LIN28A: variants seen among roughly 807,000 people sequenced by gnomAD.
LIN28A encodes lin-28 RNA binding posttranscriptional regulator A.
A neutral mutation model predicts 21.1 loss-of-function variants in LIN28A; 11 were observed. The ratio of observed to expected loss-of-function variants is 0.52; its 90% CI spans 0.33 to 0.86. The LOEUF is 0.86. Ranked by LOEUF, LIN28A falls within the 40% of genes least tolerant of loss-of-function variation. The pLI is 0.03. For missense variants in LIN28A, 219 were observed against 279.8 expected, an observed-to-expected ratio of 0.78 and a Z score of 1.55; for synonymous variants, 111 against 108.7, an observed-to-expected ratio of 1.02 and a Z score of -0.13.
rs985706974 is a variant in LIN28A at position 26,427,143 on chromosome 1, G to C, written c.*685G>C. 1 of 152,722 alleles carries C rather than the reference G, an allele frequency of 6.5e-6. No individual in the cohort carries two copies. Among genetic ancestry groups the C allele is most frequent in the Non-Finnish European group, 1.5e-5 (1 of 68,132 alleles). The allele number at this position is 152,722 out of a possible 1,614,324, so 9.5% of individuals were successfully genotyped here. On this transcript the variant is annotated 3_prime_UTR_variant, in exon 4 of 4. Transcript: ENST00000326279. ...ACTGCACTAGCTGTGTGCGAATGAC[G>C]TATCTTGTGCATTTTAACTTTTTTT...
At chr1:26,421,338 G>C (rs2075027669) in intron 2 of LIN28A, among the ~76,000 whole-genome samples, 1 of 152,130 alleles carries the variant, frequency 6.6e-6, no homozygotes, top group Non-Finnish European at 1.5e-5. Flanking sequence ...CATTATTATA[G>C]ATGTACCATA....
In LIN28A at chr1:26,411,031, C is replaced by T. The variant is rs1344758861; in HGVS notation, c.31+109C>T. 21 of 1,393,894 alleles carry T rather than the reference C, an allele frequency of 1.5e-5. No individual in the cohort carries two copies. Among genetic ancestry groups the T allele is most frequent in the Non-Finnish European group, 2.0e-5 (21 of 1,032,152 alleles). 86.3% of individuals were successfully genotyped at this position (1,393,894 alleles called of 1,614,324 possible). ...CTAGGCTGCCCAAAGGACCCCAAGA[C>T]GGTGCGGCCTTCTGCTTCATAGGGC... is the stretch of plus-strand genomic sequence containing the variant. On this transcript the variant is annotated intron_variant, in intron 1 of 3. Coordinates refer to ENST00000326279, the MANE Select transcript of LIN28A (RefSeq NM_024674.6). The surrounding 1 kb of genome is among the most constrained non-coding windows in gnomAD (Gnocchi z 5.4).
chr1:26,428,505 C>G lies in LIN28A; in HGVS notation c.*2047C>G, dbSNP rs1469555508. ...TAGGAAAACCCTCCATCCCTTGTTC[C>G]CAACCTCCTAAGTCAAGACCATTAC... On this transcript the variant is annotated 3_prime_UTR_variant, in exon 4 of 4. Transcript: ENST00000326279. The G allele has an allele frequency of 6.6e-6, 1 of 151,914 alleles. No homozygotes were observed. The highest frequency in any genetic ancestry group is 1.9e-4 in the East Asian group (1 of 5,178). The allele number at this position is 151,914 out of a possible 1,614,324, so 9.4% of individuals were successfully genotyped here. A position where few individuals can be genotyped will look rare whatever the true frequency, so the allele number is the denominator to read the frequency against.
At chr1:26,420,588 A>T (rs1468415696) in intron 2 of LIN28A, among the ~76,000 whole-genome samples, 8 of 132,218 alleles carry the variant, frequency 6.1e-5, no homozygotes, top group Non-Finnish European at 1.6e-5. Context: ...TGGGCGACAG[A>T]GCAAGACTTT....
At chr1:26,415,294 G>C (rs2124287192) in intron 2 of LIN28A, among the ~76,000 whole-genome samples, 1 of 152,230 alleles carries the variant, frequency 6.6e-6, no homozygotes, top group African/African-American at 2.4e-5. Flanking sequence ...TGAGGAGGTG[G>C]TAAGAGCAAC....
intron 2 of LIN28A, among the ~76,000 whole-genome samples, chr1:26,418,019 T>G (rs1259141034): frequency 6.6e-6 from 1 of 151,864 alleles, no homozygotes; most frequent in African/African-American, 2.4e-5. Flanking sequence ...TTTTTTTCTC[T>G]TCATACTTTT....
intron 2 of LIN28A, among the ~76,000 whole-genome samples, chr1:26,415,685 GCTGGGCACAACATAGAATATGGC>G (rs11268515): frequency 0.44 from 66,470 of 151,754 alleles, 16,039 homozygotes; most frequent in Non-Finnish European, 0.55. Context: ...CGCTTTCTGG[GCTGGGCACAACATAGAATATGGC>G]CTGGGCACAA....
At position 26,411,435 on chromosome 1, in the gene LIN28A, C is replaced by A. The variant is rs760028334; in HGVS notation, c.81C>A (p.Asp27Glu). 4.4e-6 allele frequency: 7 copies of A among 1,607,432 alleles called. No individual in the cohort carries two copies. Among genetic ancestry groups the A allele is most frequent in the Non-Finnish European group, 5.9e-6 (7 of 1,177,258 alleles). Reference protein sequence around the residue: ...AEEAPEEAPEDAARAADEPQL... With the variant: ...AEEAPEEAPEEAARAADEPQL... ...AGGCGCCCGAGGAGGCGCCGGAGGACGCGGCCCGGGCGGCGGACGAGCCTC... is the reference window on the plus strand; with the variant it reads ...AGGCGCCCGAGGAGGCGCCGGAGGAAGCGGCCCGGGCGGCGGACGAGCCTC... Residue 27 changes from aspartate to glutamate, a missense_variant, in exon 2 of 4, where the codon GAC becomes GAA. Asp to Glu is a conservative substitution (Grantham distance 45, BLOSUM62 2). Transcript: ENST00000326279. This position sits in a 1 kb window ranked among gnomAD's most constrained non-coding sequence, Gnocchi z 5.4.
At position 26,411,467 on chromosome 1, in the gene LIN28A, T is replaced by A. The variant is rs891399990; in HGVS notation, c.113T>A (p.Leu38Gln). The A allele has an allele frequency of 2.5e-6, 4 of 1,613,650 alleles. No homozygotes were observed. In the African/African-American group the frequency reaches 5.3e-5, roughly 22 times the overall value. The change falls in exon 2 of 4, where the codon CTG (leucine) becomes CAG (glutamine). Residue 38 changes from leucine (L) to glutamine (Q), a missense_variant. Physicochemically the swap from Leu to Gln is moderately radical, Grantham distance 113. This residue lies in a region of LIN28A where 124 missense variants were observed against 193.1 expected (regional missense o/e 0.64). Coordinates refer to ENST00000326279, the MANE Select transcript of LIN28A (RefSeq NM_024674.6). The surrounding 1 kb of genome is among the most constrained non-coding windows in gnomAD (Gnocchi z 5.4). ...CGGGCGGCGGACGAGCCTCAGCTGC[T>A]GCACGGTGCGGGCATCTGTAAGTGG... is the stretch of plus-strand genomic sequence containing the variant. ...AARAADEPQL[L>Q]HGAGICKWFN... is the part of the protein sequence containing the mutation.
At position 26,411,585 on chromosome 1, in the gene LIN28A, G is replaced by A; in HGVS notation, c.228+3G>A. 22 of 1,611,446 alleles carry A rather than the reference G, an allele frequency of 1.4e-5. No individual in the cohort carries two copies. Among genetic ancestry groups the A allele is most frequent in the East Asian group, 2.2e-5 (1 of 44,774 alleles). ...CAGTGGATGTCTTTGTGCACCAGGTGAGACTGATTCCGGTAACTTTGCCCA... is the reference window on the plus strand; with the variant it reads ...CAGTGGATGTCTTTGTGCACCAGGTAAGACTGATTCCGGTAACTTTGCCCA... On this transcript the variant is annotated splice_donor_region_variant and intron_variant, in intron 2 of 3. Transcript: ENST00000326279. This position sits in a 1 kb window ranked among gnomAD's most constrained non-coding sequence, Gnocchi z 5.4.
Position 26,426,241 on chromosome 1 carries a change from GGTGCTACAACT to G in LIN28A, c.417_427del (p.Cys139TrpfsTer41). The G allele has an allele frequency of 1.9e-6, 3 of 1,613,586 alleles. No individual in the cohort carries two copies. Among genetic ancestry groups the G allele is most frequent in the Non-Finnish European group, 2.5e-6 (3 of 1,179,558 alleles). On this transcript the variant is annotated frameshift_variant and splice_region_variant, in exon 4 of 4. Transcript: ENST00000326279. LOFTEE classifies it high-confidence loss of function. ...ACTTTTACGATCTTGCTTTGTACTA[GGTGCTACAACT>G]GTGGAGGTCTAGATCATCATGCCAA...
Position 26,417,684 on chromosome 1 carries a change from C to T in LIN28A, c.228+6102C>T, listed in dbSNP as rs373460194. ...GGGTCTTCATATCACCCCACTGCAC[C>T]AGTTTGATATGAGGGTTAAATGAGT... On this transcript the variant is annotated intron_variant, in intron 2 of 3. Transcript: ENST00000326279. 1.4e-3 allele frequency among the ~76,000 whole-genome samples: 218 copies of T among 152,276 alleles called. 5 individuals carry two copies. The South Asian group carries it at 0.043, about 30-fold the overall frequency.
intron 2 of LIN28A, among the ~76,000 whole-genome samples, chr1:26,422,645 C>T (rs2075034389): frequency 6.6e-6 from 1 of 152,102 alleles, no homozygotes; most frequent in African/African-American, 2.4e-5. Context: ...ATGTGTGTCC[C>T]ATTGTAGGCA....
Position 26,417,683 on chromosome 1 carries a change from C to T in LIN28A, c.228+6101C>T, listed in dbSNP as rs758651881. Among the ~76,000 whole-genome samples the T allele has an allele frequency of 1.3e-5, 2 of 152,224 alleles. 1 individual carries two copies. On this transcript the variant is annotated intron_variant, in intron 2 of 3. Transcript: ENST00000326279. ...AGGGTCTTCATATCACCCCACTGCA[C>T]CAGTTTGATATGAGGGTTAAATGAG... is the stretch of plus-strand genomic sequence containing the variant.
At chr1:26,412,424 A>G (rs1414545890) in intron 2 of LIN28A, among the ~76,000 whole-genome samples, 1 of 152,164 alleles carries the variant, frequency 6.6e-6, no homozygotes, top group Non-Finnish European at 1.5e-5. Context: ...GCCTCAAACA[A>G]GGAGCCAGAG....
chr1:26,412,442 G>C (rs180910338), intron 2 of LIN28A, among the ~76,000 whole-genome samples: 1 of 152,216 alleles, frequency 6.6e-6, no homozygotes, highest in Non-Finnish European at 1.5e-5. Flanking sequence ...GAGACTTCAG[G>C]TCTCCCTCCT....
rs567145522 is a variant in LIN28A, at chr1:26,421,275, T to TG, written c.229-4026dup. The stretch of plus-strand genomic sequence containing the variant: ...AGGCATTATTTCAGGTACCAAAATG[T>TG]GGCTGTGAACAAACCAAAGACTTTA... On this transcript the variant is annotated intron_variant, in intron 2 of 3. Transcript: ENST00000326279. Among the ~76,000 whole-genome samples, 193 of 152,356 alleles carry TG rather than the reference T, an allele frequency of 1.3e-3. 2 individuals carry two copies. Among genetic ancestry groups the TG allele is most frequent in the African/African-American group, 4.5e-3 (188 of 41,580 alleles).
rs193151473 is a variant in LIN28A at position 26,426,605 on chromosome 1, C to G, written c.*147C>G. On this transcript the variant is annotated 3_prime_UTR_variant, in exon 4 of 4. Coordinates refer to ENST00000326279, the MANE Select transcript of LIN28A (RefSeq NM_024674.6). ...TTCACACCATCACCCTTTCTTCCCTCTAGGTGGGGGGAAAGGGTGAGTCAA... is the reference window on the plus strand; with the variant it reads ...TTCACACCATCACCCTTTCTTCCCTGTAGGTGGGGGGAAAGGGTGAGTCAA... The G allele has an allele frequency of 5.5e-5, 36 of 659,678 alleles. No individual in the cohort carries two copies. Among genetic ancestry groups the G allele is most frequent in the African/African-American group, 5.4e-4 (30 of 55,090 alleles). 40.9% of individuals were successfully genotyped at this position (659,678 alleles called of 1,614,324 possible). A position where few individuals can be genotyped will look rare whatever the true frequency, so the allele number is the denominator to read the frequency against.
intron 2 of LIN28A, among the ~76,000 whole-genome samples, chr1:26,414,227 G>A (rs879541761): frequency 4.4e-5 from 6 of 136,302 alleles, no homozygotes; most frequent in Non-Finnish European, 6.7e-5. Context: ...AAGTGTTCCC[G>A]AAGCAGAGGG....
Sources: gnomAD v4.1 joint callset for allele counts (sites outside exome capture counted in the v4.1 genomes callset) on GRCh38, gnomAD v4.1.1 for gene constraint, gnomAD v4.1.1 regional missense constraint, Gnocchi (gnomAD v3.1) non-coding constraint, MANE v1.5 for transcripts, NCBI Gene and HGNC (gene_info 2026-07-23, HGNC 2026-07-21) for gene names.